Variants in B3GALT1 observed in about 807,000 individuals in gnomAD.
B3GALT1 encodes the protein beta-1,3-galactosyltransferase 1, also known as UDP-Gal:betaGlcNAc beta 1,3-galactosyltransferase, polypeptide 1.
Under a neutral mutation model 23.2 loss-of-function variants are expected in B3GALT1, and 10 were observed. That is an observed-to-expected ratio of 0.43 (90% CI 0.27 to 0.73). The LOEUF is 0.73. Among genes scored for constraint, B3GALT1 ranks in the 30% least tolerant of loss-of-function variants. B3GALT1 has a pLI of 0.21. For missense variants in B3GALT1, 299 were observed against 405.4 expected, an observed-to-expected ratio of 0.74 and a Z score of 2.25; for synonymous variants, 156 against 141.5, an observed-to-expected ratio of 1.10 and a Z score of -0.73.
intron 1 of B3GALT1, among the ~76,000 whole-genome samples, chr2:167,366,450 C>T (rs1390879837): frequency 7.9e-5 from 12 of 152,138 alleles, no homozygotes; most frequent in South Asian, 4.1e-4. Flanking sequence ...GATTTGTACA[C>T]GGGAAAACTG....
intron 2 of B3GALT1, among the ~76,000 whole-genome samples, chr2:167,544,247 TACA>T (rs1683587257): frequency 6.6e-6 from 1 of 152,168 alleles, no homozygotes; most frequent in Non-Finnish European, 1.5e-5. Flanking sequence ...CTCATATAGG[TACA>T]TTGCTGCCCT....
chr2:167,667,466 T>G (rs1469737944), intron 3 of B3GALT1, among the ~76,000 whole-genome samples: 1 of 152,100 alleles, frequency 6.6e-6, no homozygotes, highest in East Asian at 1.9e-4. Context: ...TTTGTGGTGT[T>G]CTCTGTATTT....
At chr2:167,322,723 T>C (rs537633995) in intron 1 of B3GALT1, among the ~76,000 whole-genome samples, 1 of 152,164 alleles carries the variant, frequency 6.6e-6, no homozygotes, top group South Asian at 2.1e-4. Flanking sequence ...CTTCTCTTGG[T>C]AAAGGAGCCT....
rs1323711082 is a variant in B3GALT1 at position 167,871,725 on chromosome 2, T to C, written c.*1705T>C. 2 of 152,164 alleles carry C rather than the reference T, an allele frequency of 1.3e-5. No homozygotes were observed. The highest frequency in any genetic ancestry group is 6.5e-5 in the Admixed American group (1 of 15,272). The allele number at this position is 152,164 out of a possible 1,614,324, so 9.4% of individuals were successfully genotyped here. The stretch of plus-strand genomic sequence containing the variant: ...GGAACCACTGAATCTGAATTCTCTC[T>C]AAGAAATTTGAGCGCAGGTAAAGCT... On this transcript the variant is annotated 3_prime_UTR_variant, in exon 5 of 5. Coordinates refer to ENST00000392690, the MANE Select transcript of B3GALT1 (RefSeq NM_020981.4).
At chr2:167,837,842 G>A (rs1290966253) in intron 4 of B3GALT1, among the ~76,000 whole-genome samples, 5 of 151,832 alleles carry the variant, frequency 3.3e-5, no homozygotes, top group Non-Finnish European at 7.4e-5. Flanking sequence ...AGACCACAGT[G>A]CAATCAAACT....
At chr2:167,597,245 A>G (rs1684795358) in intron 2 of B3GALT1, among the ~76,000 whole-genome samples, 1 of 151,424 alleles carries the variant, frequency 6.6e-6, no homozygotes, top group African/African-American at 2.4e-5. Flanking sequence ...CCTCCCTAGT[A>G]GCTGGGACTA....
chr2:167,752,794 CT>C (rs1687759429), intron 3 of B3GALT1, among the ~76,000 whole-genome samples: 1 of 152,180 alleles, frequency 6.6e-6, no homozygotes, highest in African/African-American at 2.4e-5. Flanking sequence ...TCACATCACT[CT>C]TTGGCAAGGG....
chr2:167,294,088 G>C (rs1251975059), intron 1 of B3GALT1, among the ~76,000 whole-genome samples: 5 of 152,212 alleles, frequency 3.3e-5, no homozygotes, highest in Non-Finnish European at 2.9e-5. Flanking sequence ...CTCCTGCCTG[G>C]TGGCGGCGTA....
At chr2:167,637,855 A>G (rs1316503355) in intron 2 of B3GALT1, among the ~76,000 whole-genome samples, 1 of 149,042 alleles carries the variant, frequency 6.7e-6, no homozygotes, top group South Asian at 2.1e-4. Context: ...TTTCTTTTGG[A>G]TACATCCACT....
chr2:167,781,962 C>T (rs971449277), intron 3 of B3GALT1, among the ~76,000 whole-genome samples: 2 of 152,116 alleles, frequency 1.3e-5, no homozygotes, highest in Non-Finnish European at 1.5e-5. Flanking sequence ...AGGCTCGTCT[C>T]GAACTCCTGA....
intron 2 of B3GALT1, among the ~76,000 whole-genome samples, chr2:167,628,557 A>G (rs1289088004): frequency 6.6e-6 from 1 of 151,726 alleles, no homozygotes; most frequent in Non-Finnish European, 1.5e-5. Flanking sequence ...ATTTCTGTAG[A>G]GTGGTAAAAA....
rs545327540 is a variant in B3GALT1 at position 167,648,676 on chromosome 2, A to G, written c.-352+1710A>G. Among the ~76,000 whole-genome samples, 293 of 152,254 alleles carry G rather than the reference A, an allele frequency of 1.9e-3. 4 individuals are homozygous for G. The highest frequency in any genetic ancestry group is 1.1e-3 in the Non-Finnish European group (78 of 67,996). On this transcript the variant is annotated intron_variant, in intron 3 of 4. Coordinates refer to ENST00000392690, the MANE Select transcript of B3GALT1 (RefSeq NM_020981.4). ...GCTTTTAGTGGCATTTTGTTTAGCCATCAAATGCCACATAAATGCCTTTAA... is the reference window on the plus strand; with the variant it reads ...GCTTTTAGTGGCATTTTGTTTAGCCGTCAAATGCCACATAAATGCCTTTAA...
Position 167,404,064 on chromosome 2 carries a change from G to A in B3GALT1, c.-510-86113G>A, listed in dbSNP as rs188252890. Among the ~76,000 whole-genome samples the A allele has an allele frequency of 6.6e-5, 10 of 152,230 alleles. No homozygotes were observed. In the East Asian group the frequency reaches 1.9e-3, roughly 30 times the overall value. ...CACAGTTCTTCAGGCTGTACAAGAAGCATGGCACCAGCATCTGCTTGGTTT... is the reference window on the plus strand; with the variant it reads ...CACAGTTCTTCAGGCTGTACAAGAAACATGGCACCAGCATCTGCTTGGTTT... On this transcript the variant is annotated intron_variant, in intron 1 of 4. Coordinates refer to ENST00000392690, the MANE Select transcript of B3GALT1 (RefSeq NM_020981.4).
intron 1 of B3GALT1, among the ~76,000 whole-genome samples, chr2:167,443,822 A>T (rs562733808): frequency 6.6e-6 from 1 of 152,188 alleles, no homozygotes; most frequent in Admixed American, 6.5e-5. Context: ...AACAGGGACA[A>T]TTTGACTTCC....
chr2:167,513,103 C>G (rs969673203), intron 2 of B3GALT1, among the ~76,000 whole-genome samples: 7 of 141,624 alleles, frequency 4.9e-5, no homozygotes, highest in African/African-American at 1.8e-4. Flanking sequence ...TGGAATCACT[C>G]AAACCTCTAG....
intron 2 of B3GALT1, among the ~76,000 whole-genome samples, chr2:167,587,882 A>C (rs1267074031): frequency 6.6e-6 from 1 of 152,232 alleles, no homozygotes; most frequent in African/African-American, 2.4e-5. Context: ...TTGGAGAGAC[A>C]GTCTTAACTA....
At chr2:167,837,896 T>C (rs1689522299) in intron 4 of B3GALT1, among the ~76,000 whole-genome samples, 1 of 152,090 alleles carries the variant, frequency 6.6e-6, no homozygotes. Context: ...CTCAACTACA[T>C]GGAAACTGAA....
chr2:167,440,037 A>C (rs1296344099), intron 1 of B3GALT1, among the ~76,000 whole-genome samples: 2 of 151,892 alleles, frequency 1.3e-5, no homozygotes, highest in Non-Finnish European at 2.9e-5. Flanking sequence ...TTTTATTTTG[A>C]AAAAATCGGT....
chr2:167,331,290 G>GC (rs1314100497), intron 1 of B3GALT1, among the ~76,000 whole-genome samples: 2 of 152,176 alleles, frequency 1.3e-5, no homozygotes, highest in Non-Finnish European at 2.9e-5. Context: ...TGGTGATGAT[G>GC]CCAGTAGGTC....
Sources: gnomAD v4.1 joint callset for allele counts (sites outside exome capture counted in the v4.1 genomes callset) on GRCh38, gnomAD v4.1.1 for gene constraint, MANE v1.5 for transcripts, NCBI Gene and HGNC (gene_info 2026-07-23, HGNC 2026-07-21) for gene names.